DGKI: variants seen among roughly 807,000 people sequenced by gnomAD.
DGKI encodes diacylglycerol kinase iota, also known as DAG kinase iota.
In DGKI, 55 loss-of-function variants were observed where a neutral mutation model predicts 147.5. The observed-to-expected ratio is 0.37, with a 90% CI of 0.30 to 0.47. The LOEUF (loss-of-function observed/expected upper bound fraction) is 0.47, where lower values mean the gene tolerates loss of function less well. Ranked by LOEUF, DGKI falls within the 20% of genes least tolerant of loss-of-function variation. The pLI is 1.00. For missense variants in DGKI, 1,007 were observed against 1,323.8 expected, an observed-to-expected ratio of 0.76 and a Z score of 3.71; for synonymous variants, 469 against 477.1, an observed-to-expected ratio of 0.98 and a Z score of 0.22.
At chr7:137,416,829 T>C (rs768217622) in intron 28 of DGKI, among the ~76,000 whole-genome samples, 8 of 152,188 alleles carry the variant, frequency 5.3e-5, no homozygotes, top group South Asian at 2.1e-4. Flanking sequence ...CTTGAATAGG[T>C]AGAAGATCAT....
intron 20 of DGKI, among the ~76,000 whole-genome samples, chr7:137,529,531 G>A (rs1361115043): frequency 6.6e-6 from 1 of 152,108 alleles, no homozygotes; most frequent in Non-Finnish European, 1.5e-5. Flanking sequence ...GGGAAGCAAA[G>A]GTATAGAACA....
chr7:137,569,091 A>G (rs142867652), intron 19 of DGKI, among the ~76,000 whole-genome samples: 2 of 152,278 alleles, frequency 1.3e-5, no homozygotes, highest in African/African-American at 4.8e-5. Context: ...GCTGTGCTTC[A>G]CTTGTCAGCT....
At chr7:137,798,127 C>T (rs1797088335) in intron 1 of DGKI, among the ~76,000 whole-genome samples, 1 of 152,086 alleles carries the variant, frequency 6.6e-6, no homozygotes, top group Admixed American at 6.5e-5. Flanking sequence ...ACATAAACTA[C>T]TGAGACTGAC....
intron 1 of DGKI, among the ~76,000 whole-genome samples, chr7:137,793,454 C>A (rs1264053332): frequency 6.6e-6 from 1 of 152,148 alleles, no homozygotes; most frequent in Non-Finnish European, 1.5e-5. Context: ...GCACACACCA[C>A]CATGCCCGGC....
chr7:137,477,606 A>C (rs891418950), intron 23 of DGKI, among the ~76,000 whole-genome samples: 1 of 152,204 alleles, frequency 6.6e-6, no homozygotes, highest in Non-Finnish European at 1.5e-5. Context: ...ATTGTGGTAT[A>C]ATATGTATAG....
intron 27 of DGKI, among the ~76,000 whole-genome samples, chr7:137,456,598 C>T (rs1249271175): frequency 6.6e-6 from 1 of 152,162 alleles, no homozygotes; most frequent in Non-Finnish European, 1.5e-5. Context: ...TCAATACTGC[C>T]TCACATTCAC....
chr7:137,466,396 G>T (rs1397180550), intron 25 of DGKI, among the ~76,000 whole-genome samples: 1 of 152,202 alleles, frequency 6.6e-6, no homozygotes, highest in Non-Finnish European at 1.5e-5. Flanking sequence ...AAGCAGCATG[G>T]TTAACAACTT....
chr7:137,658,270 T>G (rs1822295008), intron 3 of DGKI, among the ~76,000 whole-genome samples: 1 of 152,160 alleles, frequency 6.6e-6, no homozygotes, highest in South Asian at 2.1e-4. Context: ...AAATTCTATT[T>G]TGCTCTACAG....
chr7:137,401,164 T>A (rs1427730258), intron 30 of DGKI, among the ~76,000 whole-genome samples: 1 of 152,086 alleles, frequency 6.6e-6, no homozygotes, highest in Non-Finnish European at 1.5e-5. Flanking sequence ...CAATAACACC[T>A]GTGATTTTTG....
intron 1 of DGKI, among the ~76,000 whole-genome samples, chr7:137,845,345 A>T (rs2117124058): frequency 6.6e-6 from 1 of 152,322 alleles, no homozygotes; most frequent in Non-Finnish European, 1.5e-5. Flanking sequence ...CACCTCTGTC[A>T]TCTGCGTTTG....
At chr7:137,790,978 A>G (rs1796834805) in intron 1 of DGKI, among the ~76,000 whole-genome samples, 1 of 152,176 alleles carries the variant, frequency 6.6e-6, no homozygotes, top group Non-Finnish European at 1.5e-5. Flanking sequence ...AGTCCAAAGG[A>G]TAATTTTTTT....
chr7:137,622,426 T>C (rs1393691555), intron 7 of DGKI, among the ~76,000 whole-genome samples: 1 of 152,194 alleles, frequency 6.6e-6, no homozygotes, highest in African/African-American at 2.4e-5. Context: ...GAAGGGGTTA[T>C]ATATTCCAAC....
intron 2 of DGKI, among the ~76,000 whole-genome samples, chr7:137,683,234 G>C (rs934414386): frequency 6.6e-6 from 1 of 151,640 alleles, no homozygotes; most frequent in Non-Finnish European, 1.5e-5. Context: ...CCTCTCCCTT[G>C]TTCAGAATGC....
At chr7:137,759,071 A>G (rs1232814211) in intron 1 of DGKI, among the ~76,000 whole-genome samples, 1 of 152,138 alleles carries the variant, frequency 6.6e-6, no homozygotes, top group Non-Finnish European at 1.5e-5. Flanking sequence ...CAAACAGTGA[A>G]CATTGTACCC....
chr7:137,528,205 C>T (rs1021493561), intron 20 of DGKI, among the ~76,000 whole-genome samples: 9 of 152,174 alleles, frequency 5.9e-5, no homozygotes, highest in Non-Finnish European at 1.3e-4. Context: ...TCATCCATTT[C>T]TGTTCTTTGA....
intron 23 of DGKI, among the ~76,000 whole-genome samples, chr7:137,472,832 C>T (rs1815032886): frequency 6.6e-6 from 1 of 151,864 alleles, no homozygotes; most frequent in South Asian, 2.1e-4. Context: ...AATAAAGGGG[C>T]TAAAACATCA....
At chr7:137,549,545 G>T (rs1293154735) in intron 20 of DGKI, among the ~76,000 whole-genome samples, 2 of 152,198 alleles carry the variant, frequency 1.3e-5, no homozygotes, top group Non-Finnish European at 2.9e-5. Flanking sequence ...TTTTCGACTA[G>T]TTCTCCTCAA....
rs567477653 is a variant in DGKI, at chr7:137,622,380, C to T, written c.876+1103G>A. Among the ~76,000 whole-genome samples, 4 of 152,234 alleles carry T rather than the reference C, an allele frequency of 2.6e-5. No homozygotes were observed. In the East Asian group the frequency reaches 7.7e-4, roughly 29 times the overall value. ...CTGCAAACCTTTAACCTCACCAAGA[C>T]ACCACAGCCTTTTCTTTGCAGGTCC... is the stretch of plus-strand genomic sequence containing the variant. On this transcript the variant is annotated intron_variant, in intron 7 of 32. Transcript: ENST00000614521.
intron 29 of DGKI, among the ~76,000 whole-genome samples, chr7:137,409,313 GTGCTAGATGCCAGGAAGATAAA>G (rs1812077016): frequency 6.6e-6 from 1 of 152,222 alleles, no homozygotes; most frequent in Non-Finnish European, 1.5e-5. Context: ...GAATTGTCAT[GTGCTAGATGCCAGGAAGATAAA>G]TGTGAATACA....
Sources: allele counts gnomAD v4.1 joint callset (sites outside exome capture counted in the v4.1 genomes callset), GRCh38; gene constraint gnomAD v4.1.1; transcripts MANE v1.5; gene names NCBI Gene and HGNC (gene_info 2026-07-23, HGNC 2026-07-21).